The following PDE3A variants were observed in gnomAD, a reference collection of about 807,000 sequenced individuals.
PDE3A encodes phosphodiesterase 3A.
PDE3A carries 43 observed loss-of-function variants against 98.3 expected under a neutral mutation model. The ratio of observed to expected loss-of-function variants is 0.44; its 90% CI spans 0.34 to 0.56. PDE3A has a LOEUF of 0.56. Ranked by LOEUF, PDE3A falls within the 20% of genes least tolerant of loss-of-function variation. PDE3A has a pLI of 0.01. For synonymous variants in PDE3A, 663 were observed against 567.9 expected (o/e 1.17, Z -2.38); for missense variants, 1,427 against 1,440.7 (o/e 0.99, Z 0.15).
intron 1 of PDE3A, among the ~76,000 whole-genome samples, chr12:20,491,927 T>A (rs1277650283): frequency 1.3e-5 from 2 of 152,188 alleles, no homozygotes; most frequent in Non-Finnish European, 2.9e-5. Context: ...TATACAGATT[T>A]AAATTCCCTG....
At chr12:20,397,736 G>A (rs552839733) in intron 1 of PDE3A, among the ~76,000 whole-genome samples, 4 of 151,718 alleles carry the variant, frequency 2.6e-5, no homozygotes, top group Admixed American at 1.3e-4. Context: ...TGCCTCCTCC[G>A]TATATATTTT....
chr12:20,369,162 G>A lies in PDE3A; in HGVS notation c.-123G>A, dbSNP rs1050029289. On this transcript the variant is annotated 5_prime_UTR_variant, in exon 1 of 16. Coordinates refer to ENST00000359062, the MANE Select transcript of PDE3A (RefSeq NM_000921.5). ...TGGGCCTGGGGAGAAGAAGGATTCC[G>A]AGGGTGGAATTGGGAAGAGCGTGCG... 2 of 637,892 alleles carry A rather than the reference G, an allele frequency of 3.1e-6. No individual in the cohort carries two copies. The highest frequency in any genetic ancestry group is 5.2e-6 in the Non-Finnish European group (2 of 385,262). 39.5% of individuals were successfully genotyped at this position (637,892 alleles called of 1,614,324 possible).
At chr12:20,402,488 C>T (rs754851867) in intron 1 of PDE3A, among the ~76,000 whole-genome samples, 2 of 152,080 alleles carry the variant, frequency 1.3e-5, no homozygotes, top group Non-Finnish European at 2.9e-5. Context: ...GATTTGGACT[C>T]ACCCTCAGGA....
At chr12:20,641,915 C>G (rs1037876051) in intron 10 of PDE3A, among the ~76,000 whole-genome samples, 2 of 151,988 alleles carry the variant, frequency 1.3e-5, no homozygotes, top group Middle Eastern at 3.3e-3. Context: ...TAGGAAAGCT[C>G]TAGCTTCATT....
chr12:20,476,213 A>G (rs555541843), intron 1 of PDE3A, among the ~76,000 whole-genome samples: 248 of 152,318 alleles, frequency 1.6e-3, no homozygotes, highest in African/African-American at 5.5e-3. Flanking sequence ...GAGCATTGCT[A>G]TTATTGACAA....
At chr12:20,506,912 A>T (rs563410508) in intron 1 of PDE3A, among the ~76,000 whole-genome samples, 30 of 152,054 alleles carry the variant, frequency 2.0e-4, no homozygotes, top group Non-Finnish European at 3.2e-4. Flanking sequence ...TTTGTGAGAA[A>T]CAGGTCATTT....
chr12:20,660,610 T>C (rs1945144176), intron 15 of PDE3A, among the ~76,000 whole-genome samples: 1 of 152,216 alleles, frequency 6.6e-6, no homozygotes, highest in East Asian at 1.9e-4. Context: ...TTTTCTATGC[T>C]GTTCTCGTGA....
intron 1 of PDE3A, among the ~76,000 whole-genome samples, chr12:20,374,371 C>T (rs373227083): frequency 5.2e-4 from 79 of 151,846 alleles, no homozygotes; most frequent in African/African-American, 1.8e-3. Flanking sequence ...TGTATTGAGT[C>T]GAAAGTGTAA....
chr12:20,546,134 AT>A (rs1942051262), intron 1 of PDE3A, among the ~76,000 whole-genome samples: 1 of 151,996 alleles, frequency 6.6e-6, no homozygotes, highest in African/African-American at 2.4e-5. Flanking sequence ...TTTAAAAAAA[AT>A]TATGCAGGTG....
At chr12:20,473,994 A>C (rs1945484456) in intron 1 of PDE3A, among the ~76,000 whole-genome samples, 1 of 152,134 alleles carries the variant, frequency 6.6e-6, no homozygotes, top group Non-Finnish European at 1.5e-5. Context: ...TAAGGCATAT[A>C]CCTGGGAGTT....
Position 20,616,266 on chromosome 12 carries a change from C to A in PDE3A, c.1306C>A (p.Arg436=). Residue 436 remains arginine (R), a synonymous_variant, in exon 4 of 16, where the codon CGA becomes AGA. Coordinates refer to ENST00000359062, the MANE Select transcript of PDE3A (RefSeq NM_000921.5). ...RRSLPPGLLR[R]VSSTWTTTTS... ...GAGTTTGCCTCCTGGCTTGTTGAGA[C>A]GAGTTTCTTCCACTTGGACCACCAC... The A allele has an allele frequency of 1.2e-6, 2 of 1,613,916 alleles. No homozygotes were observed. The highest frequency in any genetic ancestry group is 1.1e-5 in the South Asian group (1 of 91,080).
At chr12:20,643,067 A>G (rs573336804) in intron 10 of PDE3A, among the ~76,000 whole-genome samples, 1 of 152,106 alleles carries the variant, frequency 6.6e-6, no homozygotes, top group East Asian at 1.9e-4. Context: ...AGATGGGCGG[A>G]CTCTGGGAAA....
chr12:20,410,000 A>C (rs1944304422), intron 1 of PDE3A, among the ~76,000 whole-genome samples: 1 of 152,182 alleles, frequency 6.6e-6, no homozygotes, highest in African/African-American at 2.4e-5. Flanking sequence ...TTGAACCAAA[A>C]ACTGCCTTGT....
intron 2 of PDE3A, among the ~76,000 whole-genome samples, chr12:20,559,677 A>T (rs368387283): frequency 3.7e-4 from 56 of 151,944 alleles, no homozygotes; most frequent in Non-Finnish European, 6.8e-4. Flanking sequence ...TATCAAAAAA[A>T]AAAAGACTGC....
chr12:20,530,925 ATGAAAAGATATTT>A (rs1450500918), intron 1 of PDE3A, among the ~76,000 whole-genome samples: 1 of 152,170 alleles, frequency 6.6e-6, no homozygotes, highest in African/African-American at 2.4e-5. Context: ...GATCCTGAAA[ATGAAAAGATATTT>A]TTTGTTATCT....
chr12:20,579,777 T>C (rs866821848), intron 2 of PDE3A, among the ~76,000 whole-genome samples: 29 of 152,142 alleles, frequency 1.9e-4, no homozygotes, highest in African/African-American at 6.5e-4. Flanking sequence ...TGATTCAGAG[T>C]TGCGCATTAG....
At chr12:20,584,422 T>C (rs11045317) in intron 2 of PDE3A, among the ~76,000 whole-genome samples, 18,838 of 152,138 alleles carry the variant, frequency 0.12, 1,330 homozygotes, top group Middle Eastern at 0.22. Context: ...GTCTCCTACC[T>C]CCAGAATGTT....
chr12:20,525,259 G>A (rs1008793238), intron 1 of PDE3A, among the ~76,000 whole-genome samples: 2 of 152,120 alleles, frequency 1.3e-5, no homozygotes, highest in African/African-American at 2.4e-5. Context: ...GACTGAATGA[G>A]GTCACCCAGG....
At chr12:20,476,073 A>G (rs1184083945) in intron 1 of PDE3A, among the ~76,000 whole-genome samples, 1 of 152,126 alleles carries the variant, frequency 6.6e-6, no homozygotes, top group Non-Finnish European at 1.5e-5. Context: ...TCTCTATCTA[A>G]ATTTCTTTGC....
Sources: gnomAD v4.1 joint callset for allele counts (sites outside exome capture counted in the v4.1 genomes callset) on GRCh38, gnomAD v4.1.1 for gene constraint, MANE v1.5 for transcripts, NCBI Gene and HGNC (gene_info 2026-07-23, HGNC 2026-07-21) for gene names.